The following EHMT1 variants were observed in gnomAD, a reference collection of about 807,000 sequenced individuals.
EHMT1 encodes the protein euchromatic histone lysine methyltransferase 1, also known as histone-lysine N-methyltransferase EHMT1.
A neutral mutation model predicts 147.2 loss-of-function variants in EHMT1; 15 were observed. That is an observed-to-expected ratio of 0.10 (90% confidence interval 0.07 to 0.16). The LOEUF is 0.16. Ranked by LOEUF, EHMT1 falls within the 10% of genes least tolerant of loss-of-function variation. The pLI, the probability that EHMT1 is intolerant of heterozygous loss-of-function variation, is 1.00. For synonymous variants in EHMT1, 795 were observed against 709.6 expected (o/e 1.12, Z -1.91); for missense variants, 1,587 against 1,772.4 (o/e 0.90, Z 1.88).
chr9:137,752,317 G>A lies in EHMT1; in HGVS notation c.1171-14G>A, dbSNP rs549814854. ...TTCTGTTTGGGTTCCCGCTTCGACT[G>A]TGTGGCTGATCAGATGGACGGGGAG... is the stretch of plus-strand genomic sequence containing the variant. On this transcript the variant is annotated splice_polypyrimidine_tract_variant and intron_variant, in intron 6 of 26. Coordinates refer to ENST00000460843, the MANE Select transcript of EHMT1 (RefSeq NM_024757.5). The A allele has an allele frequency of 4.1e-5, 66 of 1,614,102 alleles. No individual in the cohort carries two copies. The highest frequency in any genetic ancestry group is 3.2e-4 in the Admixed American group (19 of 60,018).
At chr9:137,726,438 G>A (rs905445318) in intron 3 of EHMT1, among the ~76,000 whole-genome samples, 3 of 152,148 alleles carry the variant, frequency 2.0e-5, no homozygotes, top group Non-Finnish European at 4.4e-5. Flanking sequence ...ACGCTGCAGC[G>A]CGGGCCCCAG....
At position 137,787,634 on chromosome 9, in the gene EHMT1, C is replaced by T. The variant is rs540876951; in HGVS notation, c.2383-3214C>T. The T allele has an allele frequency of 2.8e-5, 15 of 534,918 alleles. No individual in the cohort carries two copies. The highest frequency in any genetic ancestry group is 9.8e-4 in the Middle Eastern group (2 of 2,042). 33.1% of individuals were successfully genotyped at this position (534,918 alleles called of 1,614,324 possible). A position where few individuals can be genotyped will look rare whatever the true frequency, so the allele number is the denominator to read the frequency against. On this transcript the variant is annotated intron_variant, in intron 15 of 26. Transcript: ENST00000460843. The surrounding 1 kb of genome is among the most constrained non-coding windows in gnomAD (Gnocchi z 4.2). ...CCTGGCAACAAGCTGGGGGTGGAAGCGGGAGGGAGGAGGGGCCTGTCTTAA... is the reference window on the plus strand; with the variant it reads ...CCTGGCAACAAGCTGGGGGTGGAAGTGGGAGGGAGGAGGGGCCTGTCTTAA...
intron 1 of EHMT1, among the ~76,000 whole-genome samples, chr9:137,702,799 C>T (rs2135207503): frequency 6.6e-6 from 1 of 152,368 alleles, no homozygotes; most frequent in Admixed American, 6.5e-5. Flanking sequence ...GGCTTCGCCC[C>T]TGCAGGAAGC....
At chr9:137,676,417 G>C (rs903896719) in intron 1 of EHMT1, 1 of 152,668 alleles carries the variant, frequency 6.6e-6, no homozygotes, top group Non-Finnish European at 1.5e-5. Context: ...CCAGGCTGGA[G>C]TGCAGTGGCG....
At chr9:137,683,337 T>A (rs1450753496) in intron 1 of EHMT1, among the ~76,000 whole-genome samples, 1 of 152,224 alleles carries the variant, frequency 6.6e-6, no homozygotes, top group Admixed American at 6.5e-5. Context: ...TTTCTGCTGG[T>A]GCCCCCAGGG....
At chr9:137,818,190 C>G (rs970354620) in intron 25 of EHMT1, 52 bp downstream of exon 25, 4 of 1,587,658 alleles carry the variant, frequency 2.5e-6, no homozygotes, top group African/African-American at 1.3e-5. Context: ...ACTGTAAAAC[C>G]TGAATGTGTT....
At chr9:137,634,611 ATTTCTTTTCTTTTCT>A (rs138810369) in intron 1 of EHMT1, among the ~76,000 whole-genome samples, 1 of 137,218 alleles carries the variant, frequency 7.3e-6, no homozygotes, top group African/African-American at 2.7e-5. Flanking sequence ...ATTTTCTTTC[ATTTCTTTTCTTTTCT>A]TTTCTTTTCT....
chr9:137,682,156 G>A (rs981764939), intron 1 of EHMT1, among the ~76,000 whole-genome samples: 2 of 152,086 alleles, frequency 1.3e-5, no homozygotes, highest in East Asian at 1.9e-4. Context: ...CTCCGTGTTC[G>A]TCAGGATGGT....
At chr9:137,823,448 G>C (rs1393132098) in intron 25 of EHMT1, 2 of 358,800 alleles carry the variant, frequency 5.6e-6, no homozygotes, top group Non-Finnish European at 1.1e-5. Context: ...GTCTGGCTCT[G>C]TCACCCAGGC....
intron 6 of EHMT1, among the ~76,000 whole-genome samples, chr9:137,749,356 T>C (rs1265887110): frequency 6.6e-6 from 1 of 152,106 alleles, no homozygotes; most frequent in Non-Finnish European, 1.5e-5. Flanking sequence ...ATTGTAGTCT[T>C]CACCTCCTGG....
chr9:137,756,428 T>C (rs1949380913), intron 8 of EHMT1, among the ~76,000 whole-genome samples: 1 of 152,214 alleles, frequency 6.6e-6, no homozygotes. Flanking sequence ...CTAATCTAGA[T>C]TCCCCAATGT....
intron 1 of EHMT1, among the ~76,000 whole-genome samples, chr9:137,682,342 T>C (rs1281907336): frequency 6.6e-6 from 1 of 152,220 alleles, no homozygotes; most frequent in African/African-American, 2.4e-5. Context: ...CTGTTGTTTT[T>C]TCCCCCCAGT....
intron 1 of EHMT1, among the ~76,000 whole-genome samples, chr9:137,688,736 G>A (rs1263661611): frequency 6.6e-6 from 1 of 152,194 alleles, no homozygotes; most frequent in Admixed American, 6.5e-5. Context: ...GTATTCTCAT[G>A]CACACGTTTG....
intron 1 of EHMT1, among the ~76,000 whole-genome samples, chr9:137,632,624 G>A (rs892506596): frequency 9.2e-5 from 14 of 152,070 alleles, no homozygotes; most frequent in Non-Finnish European, 1.6e-4. Flanking sequence ...GGCTGGTCTC[G>A]AGCTCTTGGA....
At chr9:137,721,030 A>G (rs1490612298) in intron 3 of EHMT1, among the ~76,000 whole-genome samples, 1 of 151,172 alleles carries the variant, frequency 6.6e-6, no homozygotes, top group African/African-American at 2.4e-5. Flanking sequence ...CGCCAGCGTT[A>G]GCTCTTACCC....
intron 4 of EHMT1, among the ~76,000 whole-genome samples, chr9:137,735,503 T>C (rs1239340624): frequency 6.6e-6 from 1 of 152,208 alleles, no homozygotes; most frequent in Non-Finnish European, 1.5e-5. Context: ...AAAGCTATAA[T>C]ACGTGTAGCA....
At position 137,716,876 on chromosome 9, in the gene EHMT1, C is replaced by T. The variant is rs757250849; in HGVS notation, c.336C>T (p.Asp112=). Residue 112 remains aspartate, a synonymous_variant, in exon 3 of 27, where the codon GAC becomes GAT. Transcript: ENST00000460843. ...EAAKQNHVTA[D]DFVQTSVIGS... is the part of the protein sequence containing the mutation. ...CGAAGCAAAACCACGTCACTGCCGA[C>T]GACTTTGTGCAGACTTCTGTCATCG... 15 of 1,613,166 alleles carry T rather than the reference C, an allele frequency of 9.3e-6. No individual in the cohort carries two copies. The highest frequency in any genetic ancestry group is 1.7e-5 in the Admixed American group (1 of 59,984).
intron 1 of EHMT1, among the ~76,000 whole-genome samples, chr9:137,694,192 A>G (rs11137183): frequency 0.3 from 24,208 of 79,892 alleles, 5,786 homozygotes; most frequent in African/African-American, 0.59. Flanking sequence ...CCCACCAGGC[A>G]ATGGTGCTGG....
At position 137,776,873 on chromosome 9, in the gene EHMT1, T is replaced by C. The variant is rs749950355; in HGVS notation, c.2018+29T>C. 10 of 1,606,404 alleles carry C rather than the reference T, an allele frequency of 6.2e-6. No homozygotes were observed. Among genetic ancestry groups the C allele is most frequent in the South Asian group, 5.5e-5 (5 of 90,686 alleles). ...CCTGGCACAGGCTCTGGCTGGGCTCTCCAGTCGTCCACCTGAAAAAGTTTC... is the reference window on the plus strand; with the variant it reads ...CCTGGCACAGGCTCTGGCTGGGCTCCCCAGTCGTCCACCTGAAAAAGTTTC... On this transcript the variant is annotated intron_variant, in intron 12 of 26. Coordinates refer to ENST00000460843, the MANE Select transcript of EHMT1 (RefSeq NM_024757.5). This position sits in a 1 kb window ranked among gnomAD's most constrained non-coding sequence, Gnocchi z 4.4.
Sources: allele counts gnomAD v4.1 joint callset (sites outside exome capture counted in the v4.1 genomes callset), GRCh38; gene constraint gnomAD v4.1.1; non-coding constraint Gnocchi (gnomAD v3.1); transcripts MANE v1.5; gene names NCBI Gene and HGNC (gene_info 2026-07-23, HGNC 2026-07-21).